The following SCD5 variants were observed in gnomAD, a reference collection of about 807,000 sequenced individuals.
The protein encoded by SCD5 is acyl-CoA-desaturase 4.
SCD5 carries 20 observed loss-of-function variants against 30.4 expected under a neutral mutation model. The ratio of observed to expected loss-of-function variants is 0.66; its 90% confidence interval spans 0.46 to 0.96. The LOEUF is 0.96. Among genes scored for constraint, SCD5 ranks in the 40% least tolerant of loss-of-function variants. The probability of loss-of-function intolerance (pLI) is 0.00; values close to 1 mark genes in which losing one functional copy is unlikely to be tolerated. For missense variants in SCD5, 381 were observed against 443.3 expected (o/e 0.86, Z 1.26); for synonymous variants, 173 against 176.4 (o/e 0.98, Z 0.16).
chr4:82,746,941 C>T (rs1235222956), intron 1 of SCD5, among the ~76,000 whole-genome samples: 1 of 84,570 alleles, frequency 1.2e-5, no homozygotes, highest in African/African-American at 3.1e-5. Flanking sequence ...CTTAAGTGGA[C>T]GCAGACACAA....
intron 1 of SCD5, among the ~76,000 whole-genome samples, chr4:82,728,586 G>A (rs575106668): frequency 7.9e-5 from 12 of 152,002 alleles, no homozygotes; most frequent in South Asian, 2.1e-4. Context: ...ATTCAGACTC[G>A]CTACTCATGA....
intron 1 of SCD5, among the ~76,000 whole-genome samples, chr4:82,793,600 G>T (rs1722144865): frequency 6.6e-6 from 1 of 152,080 alleles, no homozygotes; most frequent in Admixed American, 6.6e-5. Context: ...TTTTTCTTCT[G>T]CTAAAGAAAA....
At position 82,696,523 on chromosome 4, in the gene SCD5, C is replaced by G. The variant is rs565247478; in HGVS notation, c.363+8760G>C. ...CATTAATGTCTGGGAACAAGGCTTA[C>G]ACATTTTGTTAATAACATTTCTGAT... On this transcript the variant is annotated intron_variant, in intron 2 of 4. Transcript: ENST00000319540. Among the ~76,000 whole-genome samples the G allele has an allele frequency of 3.5e-4, 53 of 152,296 alleles. 1 individual carries two copies. The highest frequency in any genetic ancestry group is 1.2e-3 in the African/African-American group (50 of 41,558).
At chr4:82,714,293 C>T (rs1406205682) in intron 1 of SCD5, among the ~76,000 whole-genome samples, 1 of 152,168 alleles carries the variant, frequency 6.6e-6, no homozygotes, top group Non-Finnish European at 1.5e-5. Flanking sequence ...GTTCTCTTTC[C>T]ATTCTCTCTT....
chr4:82,661,855 C>T (rs906269601), intron 3 of SCD5, among the ~76,000 whole-genome samples: 1 of 152,106 alleles, frequency 6.6e-6, no homozygotes, highest in African/African-American at 2.4e-5. Context: ...CGCAACACAC[C>T]CCATCTGTTA....
At chr4:82,661,883 C>G (rs1728016961) in intron 3 of SCD5, among the ~76,000 whole-genome samples, 2 of 152,152 alleles carry the variant, frequency 1.3e-5, no homozygotes, top group African/African-American at 4.8e-5. Context: ...TACCTAGACA[C>G]CAGATTTTGT....
chr4:82,649,116 T>C (rs928018417), intron 3 of SCD5, among the ~76,000 whole-genome samples: 1 of 152,036 alleles, frequency 6.6e-6, no homozygotes, highest in Non-Finnish European at 1.5e-5. Context: ...TATTTGAACT[T>C]AATGACATTG....
intron 3 of SCD5, among the ~76,000 whole-genome samples, chr4:82,680,054 G>C (rs1183029617): frequency 6.6e-6 from 1 of 152,148 alleles, no homozygotes; most frequent in Non-Finnish European, 1.5e-5. Context: ...CAAGAACAAA[G>C]GTCGCTCTCT....
chr4:82,761,896 G>C (rs1246806913), intron 1 of SCD5, among the ~76,000 whole-genome samples: 1 of 151,950 alleles, frequency 6.6e-6, no homozygotes, highest in Non-Finnish European at 1.5e-5. Flanking sequence ...TCCATGGCCG[G>C]GCGTAGTGGC....
At chr4:82,694,121 C>T (rs1454869506) in intron 2 of SCD5, among the ~76,000 whole-genome samples, 4 of 152,246 alleles carry the variant, frequency 2.6e-5, no homozygotes, top group Non-Finnish European at 5.9e-5. Context: ...GTCCTCTGTA[C>T]ACTGTCCACC....
intron 1 of SCD5, among the ~76,000 whole-genome samples, chr4:82,794,973 G>T (rs1238441222): frequency 6.6e-6 from 1 of 152,084 alleles, no homozygotes; most frequent in African/African-American, 2.4e-5. Context: ...TGAAAGTCAT[G>T]AACGCATTGC....
At chr4:82,741,693 C>T (rs904403283) in intron 1 of SCD5, among the ~76,000 whole-genome samples, 10 of 152,172 alleles carry the variant, frequency 6.6e-5, no homozygotes, top group African/African-American at 2.2e-4. Flanking sequence ...CTTTCTGCCT[C>T]CATTTTAATT....
chr4:82,704,584 T>C (rs768002800), intron 2 of SCD5, among the ~76,000 whole-genome samples: 4 of 152,260 alleles, frequency 2.6e-5, no homozygotes, highest in Non-Finnish European at 4.4e-5. Context: ...CTCCCTGCAG[T>C]TTTCATTGAT....
intron 1 of SCD5, among the ~76,000 whole-genome samples, chr4:82,775,298 A>G (rs1721721378): frequency 1.3e-5 from 2 of 152,190 alleles, no homozygotes; most frequent in Admixed American, 6.5e-5. Context: ...GATTCTGAGC[A>G]GGGCTGGAGC....
rs1222014730 is a variant in SCD5, at chr4:82,768,966, AG to A, written c.232+29339del. On this transcript the variant is annotated intron_variant, in intron 1 of 4. Transcript: ENST00000319540. ...ACTTTTTTTTTTTTTTTAAGTAGTA[AG>A]GCCCCCTTTTCACAGAAAACCTTAT... Among the ~76,000 whole-genome samples, 9 of 151,480 alleles carry A rather than the reference AG, an allele frequency of 5.9e-5. No individual in the cohort carries two copies. The East Asian group carries it at 1.4e-3, about 23-fold the overall frequency.
chr4:82,725,719 G>C (rs1057373210), intron 1 of SCD5, among the ~76,000 whole-genome samples: 7 of 152,084 alleles, frequency 4.6e-5, no homozygotes, highest in African/African-American at 1.7e-4. Context: ...AATTAGCTGG[G>C]CCTGGTGGTA....
At chr4:82,717,602 T>C (rs1720255986) in intron 1 of SCD5, among the ~76,000 whole-genome samples, 1 of 151,854 alleles carries the variant, frequency 6.6e-6, no homozygotes, top group East Asian at 1.9e-4. Context: ...TGCCTATAAA[T>C]AGGAAACTAA....
At chr4:82,700,230 A>C (rs939347699) in intron 2 of SCD5, among the ~76,000 whole-genome samples, 1 of 151,998 alleles carries the variant, frequency 6.6e-6, no homozygotes, top group African/African-American at 2.4e-5. Flanking sequence ...AAAGATAAAA[A>C]AGAAAAAGAA....
intron 3 of SCD5, among the ~76,000 whole-genome samples, chr4:82,669,074 A>G (rs1299643693): frequency 6.6e-6 from 1 of 152,190 alleles, no homozygotes; most frequent in Non-Finnish European, 1.5e-5. Context: ...ACATAAAACC[A>G]TGATCAAAGA....
Sources: allele counts gnomAD v4.1 joint callset (sites outside exome capture counted in the v4.1 genomes callset), GRCh38; gene constraint gnomAD v4.1.1; transcripts MANE v1.5; gene names NCBI Gene and HGNC (gene_info 2026-07-23, HGNC 2026-07-21).